PIBF1: variants seen among roughly 807,000 people sequenced by gnomAD.
PIBF1 encodes progesterone immunomodulatory binding factor 1, also known as progesterone-induced-blocking factor 1.
In PIBF1, 90 loss-of-function variants were observed where a neutral mutation model predicts 112.5. The observed-to-expected ratio is 0.80, with a 90% confidence interval of 0.67 to 0.95. The LOEUF (loss-of-function observed/expected upper bound fraction) is 0.95, where lower values mean the gene tolerates loss of function less well. PIBF1 is among the 40% of genes least tolerant of loss of function. The pLI, the probability that PIBF1 is intolerant of heterozygous loss-of-function variation, is 0.00. For missense variants in PIBF1, 915 were observed against 852.3 expected (o/e 1.07, Z -0.92); for synonymous variants, 301 against 288.6 (o/e 1.04, Z -0.44).
chr13:72,906,281 CT>C (rs2040701688), intron 11 of PIBF1, among the ~76,000 whole-genome samples: 2 of 152,010 alleles, frequency 1.3e-5, no homozygotes, highest in African/African-American at 4.8e-5. Context: ...ATATTTGTCT[CT>C]GTTTAAGGCA....
chr13:72,952,033 C>CTTTTTTTTT (rs1385386863), intron 14 of PIBF1, among the ~76,000 whole-genome samples: 1 of 103,610 alleles, frequency 9.7e-6, no homozygotes, highest in Non-Finnish European at 2.0e-5. Flanking sequence ...CTTTTCTTTT[C>CTTTTTTTTT]TCTTTTTTTT....
chr13:72,879,701 A>G (rs1234972619), intron 10 of PIBF1, among the ~76,000 whole-genome samples: 1 of 152,244 alleles, frequency 6.6e-6, no homozygotes, highest in African/African-American at 2.4e-5. Context: ...AGAGGTCGAC[A>G]AACTATGGCC....
At chr13:72,836,197 G>T in intron 9 of PIBF1, 1 of 412,888 alleles carries the variant, frequency 2.4e-6, no homozygotes, top group Non-Finnish European at 4.8e-6. Context: ...GCAGAATTCA[G>T]GGAAAATAAA....
intron 15 of PIBF1, among the ~76,000 whole-genome samples, chr13:72,968,778 T>G (rs2042816569): frequency 6.6e-6 from 1 of 152,020 alleles, no homozygotes. Context: ...TCCTCATATG[T>G]GAAATGAGAG....
intron 14 of PIBF1, among the ~76,000 whole-genome samples, chr13:72,964,955 G>A (rs767725973): frequency 6.6e-6 from 1 of 152,062 alleles, no homozygotes; most frequent in East Asian, 1.9e-4. Flanking sequence ...CCAGCTACTC[G>A]GAAAGCTGAG....
chr13:72,848,280 T>A (rs2037961320), intron 9 of PIBF1, among the ~76,000 whole-genome samples: 1 of 152,192 alleles, frequency 6.6e-6, no homozygotes, highest in South Asian at 2.1e-4. Flanking sequence ...TCTTCTGACA[T>A]TTTTCTTACC....
rs148190575 is a variant in PIBF1, at chr13:72,908,576, C to T, written c.1534C>T (p.Arg512Cys). Residue 512 changes from arginine (R) to cysteine (C), a missense_variant, in exon 12 of 18, where the codon CGC (arginine) becomes TGC (cysteine). Coordinates refer to ENST00000326291, the MANE Select transcript of PIBF1 (RefSeq NM_006346.4). The part of the protein sequence containing the change: ...FYSLQASSEK[R>C]ITELQAQNSE... ...TAGTCTCCAAGCCTCTTCTGAAAAA[C>T]GCATTACTGAACTTCAAGCACAGAA... The T allele has an allele frequency of 3.5e-5, 57 of 1,612,068 alleles. No individual in the cohort carries two copies. The highest frequency in any genetic ancestry group is 3.1e-4 in the African/African-American group (23 of 74,836).
chr13:72,907,786 A>G lies in PIBF1; in HGVS notation c.1489-745A>G, dbSNP rs145609034. 7.1e-3 allele frequency among the ~76,000 whole-genome samples: 1,076 copies of G among 152,166 alleles called. 15 individuals are homozygous for G. Among genetic ancestry groups the G allele is most frequent in the African/African-American group, 0.025 (1,037 of 41,530 alleles). On this transcript the variant is annotated intron_variant, in intron 11 of 17. Coordinates refer to ENST00000326291, the MANE Select transcript of PIBF1 (RefSeq NM_006346.4). ...GTCTGTAAAAATAAGTAAGCATTCTAGATAATTGGAATTTAAGCATTAAAA... is the reference window on the plus strand; with the variant it reads ...GTCTGTAAAAATAAGTAAGCATTCTGGATAATTGGAATTTAAGCATTAAAA...
intron 5 of PIBF1, among the ~76,000 whole-genome samples, chr13:72,802,594 G>A (rs2138008560): frequency 6.6e-6 from 1 of 152,292 alleles, no homozygotes; most frequent in South Asian, 2.1e-4. Flanking sequence ...TAACTGGAAG[G>A]ATAGATTTCT....
intron 14 of PIBF1, among the ~76,000 whole-genome samples, chr13:72,963,699 A>G (rs1001695570): frequency 6.6e-6 from 1 of 152,126 alleles, no homozygotes; most frequent in African/African-American, 2.4e-5. Flanking sequence ...AGACTATATT[A>G]TTAAGAATAT....
intron 14 of PIBF1, among the ~76,000 whole-genome samples, chr13:72,946,138 C>G (rs2042142863): frequency 6.6e-6 from 1 of 152,138 alleles, no homozygotes; most frequent in South Asian, 2.1e-4. Context: ...GTTTCATTGA[C>G]TCACAGTTCT....
chr13:72,939,892 C>G (rs1205497715), intron 14 of PIBF1, among the ~76,000 whole-genome samples: 1 of 152,072 alleles, frequency 6.6e-6, no homozygotes, highest in Non-Finnish European at 1.5e-5. Flanking sequence ...TGCATCGTTT[C>G]TGCCAAGATA....
intron 17 of PIBF1, among the ~76,000 whole-genome samples, chr13:73,011,693 A>G (rs758418718): frequency 6.6e-6 from 1 of 152,180 alleles, no homozygotes; most frequent in Non-Finnish European, 1.5e-5. Context: ...TCATAGGACC[A>G]TAGGATGACT....
chr13:72,899,255 C>A (rs757530589), intron 11 of PIBF1, among the ~76,000 whole-genome samples: 2 of 152,040 alleles, frequency 1.3e-5, no homozygotes, highest in African/African-American at 2.4e-5. Context: ...AAAGAAGGAA[C>A]CCTCCCTAAT....
chr13:72,926,731 A>T (rs978438751), intron 13 of PIBF1, among the ~76,000 whole-genome samples: 1 of 152,186 alleles, frequency 6.6e-6, no homozygotes, highest in South Asian at 2.1e-4. Flanking sequence ...CATCCTCTAC[A>T]TAGGCATTTC....
intron 10 of PIBF1, among the ~76,000 whole-genome samples, chr13:72,857,375 T>C (rs2038470593): frequency 6.6e-6 from 1 of 152,210 alleles, no homozygotes; most frequent in Non-Finnish European, 1.5e-5. Context: ...ATTGATAAAC[T>C]TGATTCCCTA....
intron 6 of PIBF1, among the ~76,000 whole-genome samples, chr13:72,822,346 AC>A (rs896449216): frequency 3.0e-4 from 45 of 151,874 alleles, no homozygotes; most frequent in African/African-American, 8.2e-4. Flanking sequence ...AAAGACACAC[AC>A]TCTTTCAAAA....
At chr13:72,792,577 A>G (rs537966992) in intron 3 of PIBF1, 30 bp downstream of exon 3, 3 of 1,120,404 alleles carry the variant, frequency 2.7e-6, no homozygotes, top group Admixed American at 2.4e-5. Flanking sequence ...AAAAAAAAAC[A>G]ACATCTATTT....
intron 17 of PIBF1, among the ~76,000 whole-genome samples, chr13:73,008,042 A>T (rs181903889): frequency 1.3e-5 from 2 of 152,308 alleles, no homozygotes; most frequent in East Asian, 3.9e-4. Flanking sequence ...CAGAAGCAGT[A>T]TTATCTACTT....
Sources: gnomAD v4.1 joint callset for allele counts (sites outside exome capture counted in the v4.1 genomes callset) on GRCh38, gnomAD v4.1.1 for gene constraint, MANE v1.5 for transcripts, NCBI Gene and HGNC (gene_info 2026-07-23, HGNC 2026-07-21) for gene names.